Variants in CCSER1 observed in about 807,000 individuals in gnomAD.
CCSER1 encodes the protein coiled-coil serine rich protein 1, also known as serine-rich coiled-coil domain-containing protein 1.
A neutral mutation model predicts 82.0 loss-of-function variants in CCSER1; 41 were observed. The observed-to-expected ratio is 0.50, with a 90% confidence interval of 0.39 to 0.65. The LOEUF (loss-of-function observed/expected upper bound fraction) is 0.65, where lower values mean the gene tolerates loss of function less well. Ranked by LOEUF, CCSER1 falls within the 30% of genes least tolerant of loss-of-function variation. The probability of loss-of-function intolerance (pLI) is 0.00; values close to 1 mark genes in which losing one functional copy is unlikely to be tolerated. For missense variants in CCSER1, 1,119 were observed against 1,064.2 expected, an observed-to-expected ratio of 1.05 and a Z score of -0.72; for synonymous variants, 414 against 383.9, an observed-to-expected ratio of 1.08 and a Z score of -0.92.
At chr4:91,083,152 G>T (rs1030785274) in intron 9 of CCSER1, among the ~76,000 whole-genome samples, 5 of 152,082 alleles carry the variant, frequency 3.3e-5, no homozygotes, top group Admixed American at 1.3e-4. Context: ...CAAAGACTTG[G>T]AACCAACCCA....
At chr4:90,836,691 C>T (rs1308649704) in intron 8 of CCSER1, among the ~76,000 whole-genome samples, 1 of 152,150 alleles carries the variant, frequency 6.6e-6, no homozygotes, top group Non-Finnish European at 1.5e-5. Flanking sequence ...TGATTTGAAC[C>T]CTGGACTGGG....
chr4:91,199,251 G>GA (rs1735707304), intron 10 of CCSER1, among the ~76,000 whole-genome samples: 1 of 151,950 alleles, frequency 6.6e-6, no homozygotes, highest in Non-Finnish European at 1.5e-5. Flanking sequence ...CCCTTCTCCT[G>GA]AAAAAATAAT....
intron 6 of CCSER1, among the ~76,000 whole-genome samples, chr4:90,717,223 G>T (rs1243177375): frequency 6.6e-6 from 1 of 152,106 alleles, no homozygotes; most frequent in African/African-American, 2.4e-5. Context: ...TTTTGGACCA[G>T]CAGTATTCAA....
intron 8 of CCSER1, among the ~76,000 whole-genome samples, chr4:90,875,403 A>G (rs1767070441): frequency 6.6e-6 from 1 of 152,184 alleles, no homozygotes; most frequent in South Asian, 2.1e-4. Flanking sequence ...AGGGGATAAA[A>G]CAAAGAACCT....
At chr4:90,483,403 G>C (rs951711807) in intron 5 of CCSER1, among the ~76,000 whole-genome samples, 1 of 152,126 alleles carries the variant, frequency 6.6e-6, no homozygotes, top group South Asian at 2.1e-4. Flanking sequence ...GTGTGAATTT[G>C]ATCCTGTCAT....
In CCSER1 at chr4:91,118,753, G is replaced by C. The variant is rs146533377; in HGVS notation, c.2217+32759G>C. On this transcript the variant is annotated intron_variant, in intron 10 of 10. Transcript: ENST00000509176. ...CTTCAGTGCTCTTTCTGTCTCTTTT[G>C]CATAATATCTAACTTGCAACTTTCT... 3.5e-3 allele frequency among the ~76,000 whole-genome samples: 531 copies of C among 152,194 alleles called. 3 individuals carry two copies. Among genetic ancestry groups the C allele is most frequent in the South Asian group, 0.03 (146 of 4,820 alleles).
intron 10 of CCSER1, among the ~76,000 whole-genome samples, chr4:91,442,835 A>G (rs932961731): frequency 2.6e-5 from 4 of 152,074 alleles, no homozygotes; most frequent in African/African-American, 9.7e-5. Context: ...CACTTCTAAA[A>G]AGAAGACATT....
At chr4:90,161,043 A>G (rs1211160956) in intron 1 of CCSER1, among the ~76,000 whole-genome samples, 5 of 152,146 alleles carry the variant, frequency 3.3e-5, no homozygotes, top group Non-Finnish European at 5.9e-5. Flanking sequence ...AGGCCAAATA[A>G]AACTACCCAC....
intron 5 of CCSER1, among the ~76,000 whole-genome samples, chr4:90,539,997 C>G (rs1175045430): frequency 2.6e-5 from 4 of 151,942 alleles, no homozygotes; most frequent in Admixed American, 2.6e-4. Flanking sequence ...ATGGAAATGG[C>G]AAGAAACAGG....
At chr4:91,043,880 G>A (rs1395321753) in intron 9 of CCSER1, among the ~76,000 whole-genome samples, 2 of 152,118 alleles carry the variant, frequency 1.3e-5, no homozygotes, top group African/African-American at 2.4e-5. Context: ...GAGCAACCAC[G>A]CCTGGCTCAG....
intron 8 of CCSER1, among the ~76,000 whole-genome samples, chr4:90,901,865 A>G (rs1335136367): frequency 1.3e-5 from 2 of 152,002 alleles, no homozygotes; most frequent in Non-Finnish European, 2.9e-5. Flanking sequence ...AAATTTTCCT[A>G]AATTATTTCT....
chr4:90,944,250 T>A (rs1385617820), intron 9 of CCSER1, among the ~76,000 whole-genome samples: 9 of 143,536 alleles, frequency 6.3e-5, no homozygotes, highest in Non-Finnish European at 1.1e-4. Flanking sequence ...AAAAAAAAAT[T>A]GAAAAATACC....
intron 10 of CCSER1, among the ~76,000 whole-genome samples, chr4:91,374,400 C>A (rs1560621222): frequency 6.6e-6 from 1 of 152,032 alleles, no homozygotes; most frequent in Non-Finnish European, 1.5e-5. Flanking sequence ...AATCATAGGG[C>A]CATTAAGAAT....
At chr4:91,469,128 C>T (rs1024113184) in intron 10 of CCSER1, among the ~76,000 whole-genome samples, 2 of 152,140 alleles carry the variant, frequency 1.3e-5, no homozygotes, top group African/African-American at 4.8e-5. Flanking sequence ...TTGGATCTTT[C>T]ATTTTATCAA....
chr4:91,124,520 C>T (rs1423530086), intron 10 of CCSER1, among the ~76,000 whole-genome samples: 2 of 151,934 alleles, frequency 1.3e-5, no homozygotes, highest in South Asian at 2.1e-4. Context: ...CCATCTCCCT[C>T]ATCCCATTCA....
intron 6 of CCSER1, among the ~76,000 whole-genome samples, chr4:90,722,898 G>A (rs62314446): frequency 0.057 from 8,714 of 151,974 alleles, 352 homozygotes; most frequent in Admixed American, 0.11. Context: ...AGTAGCGGTT[G>A]TAGCACCTAT....
chr4:90,143,542 C>T (rs1033372741), intron 1 of CCSER1, among the ~76,000 whole-genome samples: 4 of 145,124 alleles, frequency 2.8e-5, no homozygotes, highest in Non-Finnish European at 6.1e-5. Flanking sequence ...TATTAATATA[C>T]CATTATAGAA....
intron 10 of CCSER1, among the ~76,000 whole-genome samples, chr4:91,216,322 A>G (rs1737234466): frequency 6.6e-6 from 1 of 151,990 alleles, no homozygotes; most frequent in Admixed American, 6.6e-5. Context: ...ACTTTATAGC[A>G]TTTTTTTGTT....
At chr4:91,147,238 A>G (rs755163387) in intron 10 of CCSER1, among the ~76,000 whole-genome samples, 4 of 152,166 alleles carry the variant, frequency 2.6e-5, no homozygotes, top group Non-Finnish European at 5.9e-5. Flanking sequence ...GTGTGGCACT[A>G]ACAGCCTGGT....
Sources: allele counts gnomAD v4.1 joint callset (sites outside exome capture counted in the v4.1 genomes callset), GRCh38; gene constraint gnomAD v4.1.1; transcripts MANE v1.5; gene names NCBI Gene and HGNC (gene_info 2026-07-23, HGNC 2026-07-21).